The following STRADA variants were observed in gnomAD, a reference collection of about 807,000 sequenced individuals.
STRADA encodes STE20 related adaptor alpha, also known as STE20-related kinase adapter protein alpha.
A neutral mutation model predicts 55.0 loss-of-function variants in STRADA; 26 were observed. The ratio of observed to expected loss-of-function variants is 0.47; its 90% CI spans 0.35 to 0.66. The LOEUF is 0.66. Ranked by LOEUF, STRADA falls within the 30% of genes least tolerant of loss-of-function variation. STRADA has a pLI of 0.01. For synonymous variants in STRADA, 197 were observed against 210.9 expected (o/e 0.93, Z 0.57); for missense variants, 443 against 549.7 (o/e 0.81, Z 1.94).
chr17:63,717,377 A>G (rs1188736885), intron 4 of STRADA, among the ~76,000 whole-genome samples: 2 of 151,888 alleles, frequency 1.3e-5, no homozygotes, highest in East Asian at 3.9e-4. Context: ...GCGTGATCTC[A>G]GCTCACTATA....
chr17:63,706,874 A>G, intron 9 of STRADA, 135 bp from the exon 10 acceptor site: 1 of 679,460 alleles, frequency 1.5e-6, no homozygotes, highest in Non-Finnish European at 2.6e-6. Flanking sequence ...TGCCTGTGCT[A>G]CTGAAGACTA....
intron 6 of STRADA, among the ~76,000 whole-genome samples, chr17:63,711,828 G>C (rs911478953): frequency 6.6e-6 from 1 of 152,088 alleles, no homozygotes; most frequent in Admixed American, 6.5e-5. Context: ...CCAGCTACTC[G>C]GGAAGCTTAA....
At chr17:63,708,482 A>G (rs568027616) in intron 8 of STRADA, among the ~76,000 whole-genome samples, 1 of 150,014 alleles carries the variant, frequency 6.7e-6, no homozygotes, top group South Asian at 2.1e-4. Flanking sequence ...GCATCCAGCT[A>G]TAACTATGTT....
At chr17:63,718,123 A>G (rs1294586690) in intron 4 of STRADA, among the ~76,000 whole-genome samples, 2 of 151,902 alleles carry the variant, frequency 1.3e-5, no homozygotes, top group African/African-American at 2.4e-5. Flanking sequence ...AGGTCTCCCT[A>G]TGTTGCTCAG....
At chr17:63,705,139 C>A (rs376364178) in intron 10 of STRADA, 13 of 597,874 alleles carry the variant, frequency 2.2e-5, no homozygotes, top group Non-Finnish European at 3.6e-5. Context: ...CTGCTGTCCT[C>A]GTGGAAGTCC....
chr17:63,703,651 A>T lies in STRADA; in HGVS notation c.1244T>A (p.Phe415Tyr). ...GSQSQDHSGI[F>Y]GLVTNLEELE... Reference sequence around the variant, plus strand: ...CTCTTCCAGGTTTGTTACCAGGCCAAAGATTCCACTGTGGTCCTGAGACTG... The same window carrying T: ...CTCTTCCAGGTTTGTTACCAGGCCATAGATTCCACTGTGGTCCTGAGACTG... Residue 415 changes from phenylalanine to tyrosine, a missense_variant, in exon 13 of 13, where the codon TTT (phenylalanine) becomes TAT (tyrosine). Physicochemically the swap from Phe to Tyr is conservative, Grantham distance 22. Transcript: ENST00000336174. The T allele has an allele frequency of 6.2e-7, 1 of 1,614,224 alleles. No individual in the cohort carries two copies. Among genetic ancestry groups the T allele is most frequent in the Non-Finnish European group, 8.5e-7 (1 of 1,180,034 alleles).
At position 63,714,065 on chromosome 17, in the gene STRADA, T is replaced by C. The variant is rs2036687539; in HGVS notation, c.167A>G (p.Gln56Arg). 6.2e-7 allele frequency: 1 copy of C among 1,613,954 alleles called. No homozygotes were observed. Among genetic ancestry groups the C allele is most frequent in the African/African-American group, 1.3e-5 (1 of 75,008 alleles). Residue 56 changes from glutamine (Q) to arginine (R), a missense_variant, in exon 5 of 13, where the codon CAG becomes CGG. Coordinates refer to ENST00000336174, the MANE Select transcript of STRADA (RefSeq NM_001003787.4). The part of the protein sequence containing the change: ...SSESIASFSK[Q>R]EVMSSFLPEG... Reference sequence around the variant, plus strand: ...TGGCAGAAAGCTACTCATGACCTCCTGTTTAGAGAAGGATGCTATTGACTC... The same window carrying C: ...TGGCAGAAAGCTACTCATGACCTCCCGTTTAGAGAAGGATGCTATTGACTC...
At chr17:63,729,660 G>A (rs528437637) in intron 1 of STRADA, among the ~76,000 whole-genome samples, 2 of 151,794 alleles carry the variant, frequency 1.3e-5, no homozygotes, top group South Asian at 2.1e-4. Flanking sequence ...ATGGTGACAG[G>A]CACCTATAGT....
chr17:63,740,637 G>GT (rs1363426898), intron 1 of STRADA, among the ~76,000 whole-genome samples: 1 of 152,228 alleles, frequency 6.6e-6, no homozygotes, highest in Non-Finnish European at 1.5e-5. Context: ...TATCATCTCT[G>GT]TTTTACGGAT....
intron 4 of STRADA, among the ~76,000 whole-genome samples, chr17:63,720,731 C>T (rs1199508573): frequency 4.1e-5 from 6 of 147,826 alleles, no homozygotes; most frequent in Non-Finnish European, 5.9e-5. Flanking sequence ...GCTGAGATCG[C>T]GCCACTGCAC....
At chr17:63,726,799 A>G (rs1288995246) in intron 2 of STRADA, 104 bp from the exon 3 acceptor site, 3 of 1,113,996 alleles carry the variant, frequency 2.7e-6, no homozygotes, top group African/African-American at 1.6e-5. Flanking sequence ...TGAAAACAGA[A>G]TCATGCAGTA....
At chr17:63,728,814 C>T (rs150631708) in intron 1 of STRADA, among the ~76,000 whole-genome samples, 5 of 149,142 alleles carry the variant, frequency 3.4e-5, no homozygotes, top group Non-Finnish European at 7.4e-5. Context: ...ATCGTTTGAA[C>T]CCAGGAGATG....
intron 3 of STRADA, among the ~76,000 whole-genome samples, chr17:63,724,650 G>A (rs1361907202): frequency 6.6e-6 from 1 of 152,094 alleles, no homozygotes; most frequent in African/African-American, 2.4e-5. Flanking sequence ...CCGACCTTGT[G>A]ATCTGCCCAC....
At chr17:63,735,100 G>A (rs2038323419) in intron 1 of STRADA, among the ~76,000 whole-genome samples, 1 of 152,158 alleles carries the variant, frequency 6.6e-6, no homozygotes, top group Non-Finnish European at 1.5e-5. Context: ...GGTTGCAGTG[G>A]GCCGAGATCG....
intron 1 of STRADA, among the ~76,000 whole-genome samples, chr17:63,730,350 G>A (rs1445506175): frequency 6.6e-6 from 1 of 151,196 alleles, no homozygotes; most frequent in Non-Finnish European, 1.5e-5. Context: ...CCGGTCTCCT[G>A]CTACAATCTG....
At chr17:63,737,807 T>A (rs2038559021) in intron 1 of STRADA, among the ~76,000 whole-genome samples, 2 of 151,644 alleles carry the variant, frequency 1.3e-5, no homozygotes, top group African/African-American at 4.8e-5. Flanking sequence ...CCCAGGAGTT[T>A]GAAACCCCAA....
rs778479858 is a variant in STRADA at position 63,723,251 on chromosome 17, C to CATCTCCAT, written c.123+39_123+46dup. 30 of 1,604,650 alleles carry CATCTCCAT rather than the reference C, an allele frequency of 1.9e-5. No individual in the cohort carries two copies. In the East Asian group the frequency reaches 6.5e-4, roughly 35 times the overall value. ...AAACACACAAACTTCCACAAGAAGT[C>CATCTCCAT]ATCTCCATGCAACAGCCATAGTGCT... is the stretch of plus-strand genomic sequence containing the variant. On this transcript the variant is annotated intron_variant, in intron 4 of 12. Transcript: ENST00000336174.
intron 10 of STRADA, chr17:63,706,433 T>C (rs2036095215): frequency 1.9e-6 from 1 of 537,020 alleles, no homozygotes; most frequent in African/African-American, 1.9e-5. Context: ...CTCCCCAAGC[T>C]GGCCTCCCTT....
chr17:63,711,581 A>G (rs2143867406), intron 6 of STRADA, among the ~76,000 whole-genome samples: 1 of 152,036 alleles, frequency 6.6e-6, no homozygotes, highest in East Asian at 1.9e-4. Flanking sequence ...TTGGCCTCCC[A>G]AAGTGCTGGG....
Sources: gnomAD v4.1 joint callset for allele counts (sites outside exome capture counted in the v4.1 genomes callset) on GRCh38, gnomAD v4.1.1 for gene constraint, MANE v1.5 for transcripts, NCBI Gene and HGNC (gene_info 2026-07-23, HGNC 2026-07-21) for gene names.